The following PTAR1 variants were observed in gnomAD, a reference collection of about 807,000 sequenced individuals.
The protein encoded by PTAR1 is protein prenyltransferase alpha subunit repeat-containing protein 1.
A neutral mutation model predicts 45.5 loss-of-function variants in PTAR1; 17 were observed. That is an observed-to-expected ratio of 0.37 (90% CI 0.26 to 0.56). PTAR1 has a LOEUF of 0.56. Among genes scored for constraint, PTAR1 ranks in the 20% least tolerant of loss-of-function variants. PTAR1 has a pLI of 0.77. For missense variants in PTAR1, 391 were observed against 476.3 expected, an observed-to-expected ratio of 0.82 and a Z score of 1.67; for synonymous variants, 169 against 171.3, an observed-to-expected ratio of 0.99 and a Z score of 0.11.
chr9:69,749,776 C>T (rs1244275040), intron 2 of PTAR1, among the ~76,000 whole-genome samples: 1 of 152,068 alleles, frequency 6.6e-6, no homozygotes, highest in Admixed American at 6.6e-5. Context: ...GTACATCTCT[C>T]GCCCCCAAAG....
In PTAR1 at chr9:69,716,793, T is replaced by C. The variant is rs1824743098; in HGVS notation, c.*1549A>G. The C allele has an allele frequency of 6.6e-6, 1 of 152,166 alleles. No individual in the cohort carries two copies. Among genetic ancestry groups the C allele is most frequent in the African/African-American group, 2.4e-5 (1 of 41,446 alleles). The allele number at this position is 152,166 out of a possible 1,614,324, so 9.4% of individuals were successfully genotyped here. On this transcript the variant is annotated 3_prime_UTR_variant, in exon 8 of 8. Transcript: ENST00000340434. ...ACTTTTAGAAGGGCCACTCTTCATA[T>C]TTCTGGTATATGAATGTATTTTAGA...
chr9:69,731,608 C>T (rs144679534), intron 5 of PTAR1, among the ~76,000 whole-genome samples: 206 of 152,292 alleles, frequency 1.4e-3, no homozygotes, highest in Non-Finnish European at 2.2e-3. Flanking sequence ...GTGGAAAATA[C>T]TGATCTCTAG....
Position 69,740,309 on chromosome 9 carries a change from C to T in PTAR1, c.323+1483G>A, listed in dbSNP as rs539572002. Among the ~76,000 whole-genome samples the T allele has an allele frequency of 3.8e-4, 58 of 152,044 alleles. 2 individuals are homozygous for T. In the South Asian group the frequency reaches 0.011, roughly 29 times the overall value. The stretch of plus-strand genomic sequence containing the variant: ...TATTGGTGAGGATGATGAAACAGGA[C>T]TAAGTTCCATGAATCTTAGGCCTAG... On this transcript the variant is annotated intron_variant, in intron 3 of 7. Coordinates refer to ENST00000340434, the MANE Select transcript of PTAR1 (RefSeq NM_001099666.2).
intron 6 of PTAR1, among the ~76,000 whole-genome samples, chr9:69,718,973 T>C (rs767637659): frequency 1.3e-5 from 2 of 152,206 alleles, no homozygotes; most frequent in Non-Finnish European, 2.9e-5. Flanking sequence ...GATGGTACTC[T>C]ATGGTAACCG....
intron 1 of PTAR1, among the ~76,000 whole-genome samples, chr9:69,756,203 G>T (rs1826768011): frequency 1.3e-5 from 2 of 152,132 alleles, no homozygotes; most frequent in Admixed American, 1.3e-4. Context: ...AATGTTCACT[G>T]GTGCCTACCC....
At chr9:69,731,207 T>C (rs1387968222) in intron 5 of PTAR1, among the ~76,000 whole-genome samples, 1 of 152,006 alleles carries the variant, frequency 6.6e-6, no homozygotes, top group Non-Finnish European at 1.5e-5. Flanking sequence ...AAGAGAGAAA[T>C]GGGAGCATGG....
At position 69,718,124 on chromosome 9, in the gene PTAR1, C is replaced by T; in HGVS notation, c.*218G>A. ...AGTTAAACAGAAAATTTAAGACTCG[C>T]TGTTCAGCAGGAAGGAACTATACGA... On this transcript the variant is annotated 3_prime_UTR_variant, in exon 8 of 8. Transcript: ENST00000340434. 2 of 436,522 alleles carry T rather than the reference C, an allele frequency of 4.6e-6. No homozygotes were observed. The highest frequency in any genetic ancestry group is 8.1e-6 in the Non-Finnish European group (2 of 245,754). 27.0% of individuals were successfully genotyped at this position (436,522 alleles called of 1,614,324 possible). A position where few individuals can be genotyped will look rare whatever the true frequency, so the allele number is the denominator to read the frequency against.
At chr9:69,748,754 C>T (rs1826388929) in intron 2 of PTAR1, among the ~76,000 whole-genome samples, 1 of 152,038 alleles carries the variant, frequency 6.6e-6, no homozygotes, top group African/African-American at 2.4e-5. Flanking sequence ...TTTTTCTTAG[C>T]AAGATTCACC....
chr9:69,740,654 GAAA>G lies in PTAR1; in HGVS notation c.323+1135_323+1137del, dbSNP rs11298970. ...AGTTAGATGCTAAGGAAACAAAGGG[GAAA>G]AAAAAAAAAAAAAAGACATGGTCCC... On this transcript the variant is annotated intron_variant, in intron 3 of 7. Transcript: ENST00000340434. 5.0e-3 allele frequency among the ~76,000 whole-genome samples: 715 copies of G among 143,040 alleles called. 5 individuals carry two copies. Among genetic ancestry groups the G allele is most frequent in the South Asian group, 0.022 (102 of 4,568 alleles). The allele number at this position is 143,040 out of a possible 152,430, so 93.8% of individuals were successfully genotyped here.
intron 5 of PTAR1, chr9:69,731,911 T>C (rs1032129221): frequency 1.8e-6 from 1 of 546,246 alleles, no homozygotes; most frequent in African/African-American, 1.9e-5. Context: ...AAACCTGCCT[T>C]GCTTTACCAA....
At chr9:69,756,380 A>C (rs1826777112) in intron 1 of PTAR1, among the ~76,000 whole-genome samples, 1 of 152,102 alleles carries the variant, frequency 6.6e-6, no homozygotes, top group Non-Finnish European at 1.5e-5. Flanking sequence ...TCTTTTCATA[A>C]TCTGTATGTT....
intron 4 of PTAR1, among the ~76,000 whole-genome samples, chr9:69,733,120 CTTAT>C (rs1825617930): frequency 1.3e-5 from 2 of 152,066 alleles, no homozygotes. Context: ...AATGGAATTT[CTTAT>C]TTAACAACAA....
Position 69,711,496 on chromosome 9 carries a change from C to T in PTAR1, c.*6846G>A, listed in dbSNP as rs1038026177. The T allele has an allele frequency of 6.6e-6, 1 of 152,114 alleles. No individual in the cohort carries two copies. Among genetic ancestry groups the T allele is most frequent in the African/African-American group, 2.4e-5 (1 of 41,442 alleles). The allele number at this position is 152,114 out of a possible 1,614,324, so 9.4% of individuals were successfully genotyped here. On this transcript the variant is annotated 3_prime_UTR_variant, in exon 8 of 8. Coordinates refer to ENST00000340434, the MANE Select transcript of PTAR1 (RefSeq NM_001099666.2). ...TCATGCCAAAGATGTTCTGAGAAAA[C>T]AAGCAGAAGTTTATTGTAACTTCAC... is the stretch of plus-strand genomic sequence containing the variant.
intron 2 of PTAR1, among the ~76,000 whole-genome samples, chr9:69,743,067 TAA>T (rs976939994): frequency 3.0e-4 from 46 of 152,164 alleles, no homozygotes; most frequent in African/African-American, 1.1e-3. Context: ...TGTCATGTAA[TAA>T]AACAATACAA....
At chr9:69,749,998 G>A (rs75115636) in intron 2 of PTAR1, among the ~76,000 whole-genome samples, 2,444 of 152,094 alleles carry the variant, frequency 0.016, 68 homozygotes, top group African/African-American at 0.056. Flanking sequence ...GCCGTACATG[G>A]GAAGGGGAAG....
chr9:69,723,235 A>T, intron 6 of PTAR1, 91 bp downstream of exon 6: 1 of 1,079,052 alleles, frequency 9.3e-7, no homozygotes, highest in Non-Finnish European at 1.4e-6. Context: ...TGTTTACCCA[A>T]GCAGGCAGGA....
At chr9:69,741,566 T>G (rs1826043913) in intron 3 of PTAR1, 2 of 531,176 alleles carry the variant, frequency 3.8e-6, no homozygotes, top group Non-Finnish European at 6.8e-6. Context: ...AACAGTATAC[T>G]GTAACTCAAC....
Position 69,718,139 on chromosome 9 carries a change from GAACTATACGATTATTTTATCCCCACAGGA to G in PTAR1, c.*174_*202del. The G allele has an allele frequency of 4.0e-6, 2 of 501,332 alleles. No individual in the cohort carries two copies. Among genetic ancestry groups the G allele is most frequent in the Non-Finnish European group, 3.5e-6 (1 of 282,904 alleles). The allele number at this position is 501,332 out of a possible 1,614,324, so 31.1% of individuals were successfully genotyped here. On this transcript the variant is annotated 3_prime_UTR_variant, in exon 8 of 8. Transcript: ENST00000340434. ...TTAAGACTCGCTGTTCAGCAGGAAG[GAACTATACGATTATTTTATCCCCACAGGA>G]ATGCCAGTTATTAACAAAATAAATA...
At chr9:69,725,906 G>A (rs182697254) in intron 5 of PTAR1, among the ~76,000 whole-genome samples, 43 of 152,114 alleles carry the variant, frequency 2.8e-4, no homozygotes, top group African/African-American at 9.4e-4. Flanking sequence ...TATGATATAC[G>A]TTAAATATCT....
Sources: allele counts gnomAD v4.1 joint callset (sites outside exome capture counted in the v4.1 genomes callset), GRCh38; gene constraint gnomAD v4.1.1; transcripts MANE v1.5; gene names NCBI Gene and HGNC (gene_info 2026-07-23, HGNC 2026-07-21).